The following NCAPH variants were observed in gnomAD, a reference collection of about 807,000 sequenced individuals.
The protein encoded by NCAPH is non-SMC condensin I complex subunit H.
A neutral mutation model predicts 85.5 loss-of-function variants in NCAPH; 38 were observed. The observed-to-expected ratio is 0.44, with a 90% CI of 0.34 to 0.58. NCAPH has a LOEUF of 0.58. Ranked by LOEUF, NCAPH falls within the 20% of genes least tolerant of loss-of-function variation. The probability of loss-of-function intolerance (pLI) is 0.01; values close to 1 mark genes in which losing one functional copy is unlikely to be tolerated. For missense variants in NCAPH, 789 were observed against 916.6 expected (o/e 0.86, Z 1.80); for synonymous variants, 301 against 335.1 (o/e 0.90, Z 1.11).
chr2:96,365,914 T>C lies in NCAPH; in HGVS notation c.1737T>C (p.Phe579=). 1 of 1,614,206 alleles carries C rather than the reference T, an allele frequency of 6.2e-7. No homozygotes were observed. Among genetic ancestry groups the C allele is most frequent in the Non-Finnish European group, 8.5e-7 (1 of 1,180,036 alleles). ...ATGATGAAGATTTGGATGACTTATT[T>C]GTGGGACCTGTTGGGAACTCTGACC... The part of the protein sequence containing the change: ...DSDDEDLDDL[F]VGPVGNSDLS... Residue 579 remains phenylalanine, a synonymous_variant, in exon 14 of 18, where the codon TTT becomes TTC. Transcript: ENST00000240423.
intron 1 of NCAPH, 162 bp from the exon 2 acceptor site, chr2:96,341,480 A>T: frequency 1.0e-6 from 1 of 968,916 alleles, no homozygotes; most frequent in Non-Finnish European, 1.5e-6. Flanking sequence ...CTGCACCTCC[A>T]AGAAACCCAA....
chr2:96,337,456 A>G (rs910529240), intron 1 of NCAPH, among the ~76,000 whole-genome samples: 6 of 151,998 alleles, frequency 3.9e-5, no homozygotes, highest in Admixed American at 2.0e-4. Context: ...GTCTCGCTCT[A>G]TCGCCCAGGC....
At chr2:96,346,427 G>A (rs1020474898) in intron 6 of NCAPH, among the ~76,000 whole-genome samples, 5 of 152,270 alleles carry the variant, frequency 3.3e-5, no homozygotes, top group South Asian at 2.1e-4. Context: ...CTGTCCAGCC[G>A]TGAATAGCTG....
chr2:96,344,405 A>T (rs1296330456), intron 6 of NCAPH, among the ~76,000 whole-genome samples, 176 bp downstream of exon 6: 1 of 152,246 alleles, frequency 6.6e-6, no homozygotes, highest in Non-Finnish European at 1.5e-5. Flanking sequence ...GACTAAAAGT[A>T]AGTCCCTCAG....
At chr2:96,355,143 A>G (rs2064506298) in intron 9 of NCAPH, among the ~76,000 whole-genome samples, 1 of 152,252 alleles carries the variant, frequency 6.6e-6, no homozygotes, top group African/African-American at 2.4e-5. Flanking sequence ...CCTAGTAAAC[A>G]TCATAAAAAT....
intron 1 of NCAPH, among the ~76,000 whole-genome samples, chr2:96,339,590 C>CAAAAAA (rs950305411): frequency 1.5e-5 from 1 of 65,328 alleles, no homozygotes; most frequent in African/African-American, 5.8e-5. Context: ...GACTCTGTCT[C>CAAAAAA]AAAAAAAAAA....
chr2:96,351,895 T>C lies in NCAPH; in HGVS notation c.785T>C (p.Leu262Pro). ...FDECSTAGVF[L>P]STLHCQDYRS... ...GAGTGCAGCACAGCAGGGGTGTTTC[T>C]GTCCACTCTCCACTGCCAGGACTAC... The change falls in exon 7 of 18, where the codon CTG becomes CCG. Residue 262 changes from leucine (L) to proline (P), a missense_variant. Coordinates refer to ENST00000240423, the MANE Select transcript of NCAPH (RefSeq NM_015341.5). 1 of 1,614,160 alleles carries C rather than the reference T, an allele frequency of 6.2e-7. No homozygotes were observed. Among genetic ancestry groups the C allele is most frequent in the Non-Finnish European group, 8.5e-7 (1 of 1,179,968 alleles).
In NCAPH at chr2:96,342,805, C is replaced by T. The variant is rs756879635; in HGVS notation, c.413C>T (p.Ser138Leu). Residue 138 changes from serine to leucine, a missense_variant, in exon 4 of 18, where the codon TCA becomes TTA. Physicochemically the swap from Ser to Leu is moderately radical, Grantham distance 145. Coordinates refer to ENST00000240423, the MANE Select transcript of NCAPH (RefSeq NM_015341.5). ...AFGLHLIDFM[S>L]EILKQKDTEP... ...GGTTTGCACTTGATTGATTTTATGT[C>T]AGAGATTCTTAAACAGAAAGACACC... 1.9e-6 allele frequency: 3 copies of T among 1,612,868 alleles called. No homozygotes were observed. In the African/African-American group the frequency reaches 4.0e-5, roughly 22 times the overall value.
At chr2:96,368,528 G>A (rs1348578628) in intron 15 of NCAPH, among the ~76,000 whole-genome samples, 2 of 152,068 alleles carry the variant, frequency 1.3e-5, no homozygotes, top group South Asian at 4.1e-4. Context: ...GTGGTGGCGG[G>A]CACCTGTAAT....
intron 14 of NCAPH, among the ~76,000 whole-genome samples, 171 bp downstream of exon 14, chr2:96,366,229 G>C (rs913540743): frequency 1.4e-4 from 21 of 152,202 alleles, no homozygotes; most frequent in African/African-American, 5.1e-4. Flanking sequence ...TTAGGTTTGT[G>C]TGGAACTGAC....
intron 6 of NCAPH, among the ~76,000 whole-genome samples, chr2:96,350,874 A>G (rs1049080403): frequency 6.6e-6 from 1 of 152,170 alleles, no homozygotes; most frequent in Non-Finnish European, 1.5e-5. Context: ...TCCTGTCTCA[A>G]GGTCACCTGC....
At chr2:96,347,416 GTAATATC>G (rs112201136) in intron 6 of NCAPH, among the ~76,000 whole-genome samples, 34,540 of 151,628 alleles carry the variant, frequency 0.23, 5,001 homozygotes, top group South Asian at 0.65. Context: ...AAACATTATT[GTAATATC>G]TAAGATTTTT....
chr2:96,366,591 G>T (rs1407221723), intron 14 of NCAPH, among the ~76,000 whole-genome samples: 1 of 152,198 alleles, frequency 6.6e-6, no homozygotes, highest in East Asian at 1.9e-4. Context: ...TCCAAAGAGA[G>T]CTCTGGGCTG....
At chr2:96,338,261 AAAG>A (rs2064242623) in intron 1 of NCAPH, among the ~76,000 whole-genome samples, 1 of 150,726 alleles carries the variant, frequency 6.6e-6, no homozygotes, top group African/African-American at 2.4e-5. Flanking sequence ...AAAAAAAAAA[AAAG>A]CAAACAAAAA....
At position 96,360,128 on chromosome 2, in the gene NCAPH, G is replaced by A. The variant is rs1467895105; in HGVS notation, c.1358-15G>A. On this transcript the variant is annotated splice_polypyrimidine_tract_variant and intron_variant, in intron 10 of 17. Coordinates refer to ENST00000240423, the MANE Select transcript of NCAPH (RefSeq NM_015341.5). ...CCACAGAAGTGAAGTGCTGACGTCT[G>A]TGTTCACTCTGCAGAAGATGCTCCT... The A allele has an allele frequency of 2.8e-6, 4 of 1,418,534 alleles. No individual in the cohort carries two copies. The East Asian group carries it at 9.1e-5, about 32-fold the overall frequency. 87.9% of individuals were successfully genotyped at this position (1,418,534 alleles called of 1,614,324 possible).
intron 9 of NCAPH, 102 bp downstream of exon 9, chr2:96,354,490 T>TC: frequency 9.4e-7 from 1 of 1,059,318 alleles, no homozygotes. Context: ...TTCTTTTTTT[T>TC]TCCCCCCCCA....
intron 9 of NCAPH, among the ~76,000 whole-genome samples, chr2:96,356,511 A>G (rs2064527201): frequency 6.6e-6 from 1 of 152,206 alleles, no homozygotes; most frequent in African/African-American, 2.4e-5. Flanking sequence ...AATATCTAAA[A>G]TTAATTATTT....
rs533781906 is a variant in NCAPH, at chr2:96,374,257, G to A, written c.*906G>A. ...CAATCTGCCTCCAGAGTCTGCTCTCGGCCATTGTGCTATGTGCTACCTGGA... is the reference window on the plus strand; with the variant it reads ...CAATCTGCCTCCAGAGTCTGCTCTCAGCCATTGTGCTATGTGCTACCTGGA... On this transcript the variant is annotated 3_prime_UTR_variant, in exon 18 of 18. Transcript: ENST00000240423. Among the ~76,000 whole-genome samples the A allele has an allele frequency of 5.4e-4, 83 of 152,298 alleles. No individual in the cohort carries two copies. Among genetic ancestry groups the A allele is most frequent in the African/African-American group, 1.9e-3 (78 of 41,568 alleles).
At chr2:96,341,364 T>G (rs2064291874) in intron 1 of NCAPH, 1 of 390,784 alleles carries the variant, frequency 2.6e-6, no homozygotes, top group African/African-American at 2.1e-5. Context: ...GCAGCAATAT[T>G]ATATCATCCA....
Sources: allele counts gnomAD v4.1 joint callset (sites outside exome capture counted in the v4.1 genomes callset), GRCh38; gene constraint gnomAD v4.1.1; transcripts MANE v1.5; gene names NCBI Gene and HGNC (gene_info 2026-07-23, HGNC 2026-07-21).